The following UNC13C variants were observed in gnomAD, a reference collection of about 807,000 sequenced individuals.
The protein encoded by UNC13C is unc-13 homolog C.
Under a neutral mutation model 245.4 loss-of-function variants are expected in UNC13C, and 174 were observed. The ratio of observed to expected loss-of-function variants is 0.71; its 90% CI spans 0.63 to 0.80. UNC13C has a LOEUF of 0.80. UNC13C is among the 30% of genes least tolerant of loss of function. The pLI is 0.00. For synonymous variants in UNC13C, 992 were observed against 895.1 expected (o/e 1.11, Z -1.93); for missense variants, 2,829 against 2,602.9 (o/e 1.09, Z -1.89).
At chr15:54,010,044 A>G (rs1023724685) in intron 1 of UNC13C, among the ~76,000 whole-genome samples, 10 of 152,166 alleles carry the variant, frequency 6.6e-5, no homozygotes, top group Admixed American at 2.0e-4. Flanking sequence ...TGCACATGAC[A>G]TGAATGTCTC....
chr15:54,354,209 A>G (rs1454711479), intron 17 of UNC13C, among the ~76,000 whole-genome samples: 2 of 152,194 alleles, frequency 1.3e-5, no homozygotes, highest in African/African-American at 4.8e-5. Flanking sequence ...AATTGCTCAT[A>G]GAATTGCTGT....
At chr15:54,438,231 G>A (rs1025672475) in intron 19 of UNC13C, among the ~76,000 whole-genome samples, 1 of 151,884 alleles carries the variant, frequency 6.6e-6, no homozygotes, top group African/African-American at 2.4e-5. Flanking sequence ...TAAAGTCAGT[G>A]ACTGCATCCT....
intron 2 of UNC13C, among the ~76,000 whole-genome samples, chr15:54,086,511 G>T (rs904377105): frequency 4.6e-5 from 7 of 152,100 alleles, no homozygotes; most frequent in Non-Finnish European, 1.0e-4. Context: ...GGCTTAGAAA[G>T]TAGGCAGGTT....
Position 54,549,706 on chromosome 15 carries a change from G to T in UNC13C, c.5877+15G>T. On this transcript the variant is annotated intron_variant, in intron 28 of 32. Coordinates refer to ENST00000260323, the MANE Select transcript of UNC13C (RefSeq NM_001080534.3). ...CCAAACTGAAGGTAATAAAAATAAG[G>T]AAATTACTTATTCATGGAAAGTAGT... 6.5e-7 allele frequency: 1 copy of T among 1,541,356 alleles called. No individual in the cohort carries two copies. The highest frequency in any genetic ancestry group is 1.2e-5 in the South Asian group (1 of 84,556).
chr15:53,859,789 G>A, the UNC13C span, among the ~76,000 whole-genome samples: 8 of 152,084 alleles, frequency 5.3e-5, no homozygotes, highest in Non-Finnish European at 8.8e-5. Flanking sequence ...TTGGCTCCAC[G>A]TCTCATTTCT....
the UNC13C span, among the ~76,000 whole-genome samples, chr15:53,929,143 A>G: frequency 6.6e-6 from 1 of 152,216 alleles, no homozygotes; most frequent in African/African-American, 2.4e-5. Context: ...AAGCGAAGGC[A>G]CATCTTACAT....
intron 4 of UNC13C, among the ~76,000 whole-genome samples, chr15:54,216,072 G>A (rs539439651): frequency 6.6e-6 from 1 of 151,982 alleles, no homozygotes; most frequent in East Asian, 1.9e-4. Flanking sequence ...AAATGAGAGA[G>A]GATGTGAGGA....
intron 30 of UNC13C, among the ~76,000 whole-genome samples, chr15:54,618,918 A>G (rs1900623438): frequency 6.6e-6 from 1 of 152,052 alleles, no homozygotes; most frequent in African/African-American, 2.4e-5. Context: ...GTCAAAAAAC[A>G]AAACAAAAAA....
At chr15:54,141,479 C>G (rs536917136) in intron 2 of UNC13C, among the ~76,000 whole-genome samples, 1 of 151,816 alleles carries the variant, frequency 6.6e-6, no homozygotes, top group Non-Finnish European at 1.5e-5. Flanking sequence ...ATATGTAATA[C>G]TTTTTTAACA....
intron 30 of UNC13C, among the ~76,000 whole-genome samples, chr15:54,602,707 C>G (rs1411659001): frequency 1.3e-5 from 2 of 152,116 alleles, no homozygotes; most frequent in African/African-American, 2.4e-5. Flanking sequence ...CCAGTCACCC[C>G]AGAAGTTCCT....
At chr15:54,060,177 G>A (rs1897745803) in intron 2 of UNC13C, among the ~76,000 whole-genome samples, 1 of 152,122 alleles carries the variant, frequency 6.6e-6, no homozygotes, top group African/African-American at 2.4e-5. Context: ...AGAGTGAACA[G>A]GCAACCTACA....
At chr15:54,226,065 A>T (rs542009129) in intron 4 of UNC13C, among the ~76,000 whole-genome samples, 159 of 152,174 alleles carry the variant, frequency 1.0e-3, no homozygotes, top group Non-Finnish European at 2.1e-3. Flanking sequence ...TGAGATAAGC[A>T]CATGGTTTTT....
intron 1 of UNC13C, among the ~76,000 whole-genome samples, chr15:53,995,789 C>T (rs2140966868): frequency 6.6e-6 from 1 of 152,210 alleles, no homozygotes; most frequent in East Asian, 1.9e-4. Context: ...AGATTTTATA[C>T]AAATACTTTT....
chr15:54,479,458 G>T (rs12904002), intron 19 of UNC13C, among the ~76,000 whole-genome samples: 62,677 of 151,732 alleles, frequency 0.41, 13,212 homozygotes, highest in East Asian at 0.62. Flanking sequence ...CAGTCTATAT[G>T]TATCTTTACA....
intron 19 of UNC13C, among the ~76,000 whole-genome samples, chr15:54,419,011 A>G (rs2040579780): frequency 6.6e-6 from 1 of 152,104 alleles, no homozygotes; most frequent in African/African-American, 2.4e-5. Context: ...GTATATCTGG[A>G]GTAGATAGAG....
chr15:54,461,722 A>C (rs756260989), intron 19 of UNC13C, among the ~76,000 whole-genome samples: 18 of 152,190 alleles, frequency 1.2e-4, no homozygotes, highest in South Asian at 2.1e-4. Context: ...ACTCTTAGAT[A>C]ATAGTATGAG....
intron 8 of UNC13C, among the ~76,000 whole-genome samples, chr15:54,252,902 T>C (rs1481684889): frequency 6.6e-6 from 1 of 152,224 alleles, no homozygotes; most frequent in East Asian, 1.9e-4. Flanking sequence ...AGTTCATAAA[T>C]TAAAATTTAA....
rs993578076 is a variant in UNC13C, at chr15:53,978,533, C to T, written c.-651C>T. On this transcript the variant is annotated 5_prime_UTR_variant, in exon 1 of 33. Transcript: ENST00000260323. Reference sequence around the variant, plus strand: ...ACCCTCAAATGTTGATGAGCCTGGGCGCTCCTCAACACACGGGAGAGATCC... The same window carrying T: ...ACCCTCAAATGTTGATGAGCCTGGGTGCTCCTCAACACACGGGAGAGATCC... 3.9e-5 allele frequency among the ~76,000 whole-genome samples: 6 copies of T among 152,104 alleles called. No individual in the cohort carries two copies. The highest frequency in any genetic ancestry group is 1.4e-4 in the African/African-American group (6 of 41,410).
rs1340535354 is a variant in UNC13C at position 54,487,784 on chromosome 15, AAAAAAGACAGAGAG to A, written c.4934-6822_4934-6809del. 4.9e-4 allele frequency among the ~76,000 whole-genome samples: 48 copies of A among 97,344 alleles called. 1 individual carries two copies. The highest frequency in any genetic ancestry group is 2.2e-3 in the Admixed American group (20 of 9,062). The allele number at this position is 97,344 out of a possible 152,430, so 63.9% of individuals were successfully genotyped here. A position where few individuals can be genotyped will look rare whatever the true frequency, so the allele number is the denominator to read the frequency against. ...TCCATCTCAAAAAAAAAAAAAAAAA[AAAAAAGACAGAGAG>A]AGAGAAAAGAAATTTGATTACCATA... On this transcript the variant is annotated intron_variant, in intron 19 of 32. Coordinates refer to ENST00000260323, the MANE Select transcript of UNC13C (RefSeq NM_001080534.3).
Sources: allele counts gnomAD v4.1 joint callset (sites outside exome capture counted in the v4.1 genomes callset), GRCh38; gene constraint gnomAD v4.1.1; transcripts MANE v1.5; gene names NCBI Gene and HGNC (gene_info 2026-07-23, HGNC 2026-07-21).